ANXA8: variants seen among roughly 807,000 people sequenced by gnomAD.
ANXA8 encodes annexin A8.
In ANXA8, 9 loss-of-function variants were observed where a neutral mutation model predicts 26.8. The observed-to-expected ratio is 0.34, with a 90% CI of 0.20 to 0.59. The LOEUF (loss-of-function observed/expected upper bound fraction) is 0.59. Ranked by LOEUF, ANXA8 falls within the 20% of genes least tolerant of loss-of-function variation. The pLI is 0.84. For synonymous variants in ANXA8, 39 were observed against 94.8 expected, an observed-to-expected ratio of 0.41 and a Z score of 3.42; for missense variants, 83 against 238.5, an observed-to-expected ratio of 0.35 and a Z score of 4.29.
At chr10:47,681,390 T>G in the ANXA8 span, among the ~76,000 whole-genome samples, 2 of 150,788 alleles carry the variant, frequency 1.3e-5, no homozygotes, top group African/African-American at 4.9e-5. Context: ...CTTGATTGTG[T>G]TTGTTTTGTT....
At chr10:47,701,447 C>T in the ANXA8 span, among the ~76,000 whole-genome samples, 2 of 151,710 alleles carry the variant, frequency 1.3e-5, no homozygotes, top group African/African-American at 4.8e-5. Context: ...TTTATAATTG[C>T]AAAATATATA....
chr10:47,694,302 T>A, the ANXA8 span, among the ~76,000 whole-genome samples: 1 of 150,276 alleles, frequency 6.7e-6, no homozygotes, highest in Admixed American at 6.6e-5. Flanking sequence ...ATGGAAATGT[T>A]GGGAAAAAAA....
chr10:47,497,522 G>A, the ANXA8 span, among the ~76,000 whole-genome samples: 3 of 148,626 alleles, frequency 2.0e-5, no homozygotes, highest in Non-Finnish European at 4.5e-5. Flanking sequence ...AGGAGGCTGA[G>A]GCAGTAGAAT....
chr10:47,929,022 T>C, the ANXA8 span, among the ~76,000 whole-genome samples: 5 of 140,454 alleles, frequency 3.6e-5, no homozygotes, highest in African/African-American at 5.4e-5. Flanking sequence ...TTTGTAGAGA[T>C]GAGGTCTCTC....
the ANXA8 span, among the ~76,000 whole-genome samples, chr10:47,900,878 A>G: frequency 2.6e-5 from 4 of 151,172 alleles, no homozygotes; most frequent in African/African-American, 7.3e-5. Context: ...TAGTACCTTG[A>G]GAAAGAAAAT....
the ANXA8 span, among the ~76,000 whole-genome samples, chr10:47,683,330 G>A: frequency 6.5e-4 from 95 of 146,176 alleles, no homozygotes; most frequent in East Asian, 5.2e-3. Context: ...CCTGGTTCAC[G>A]CCATGCTCCT....
chr10:47,944,944 T>C, the ANXA8 span, among the ~76,000 whole-genome samples: 4 of 148,486 alleles, frequency 2.7e-5, no homozygotes, highest in Non-Finnish European at 4.4e-5. Flanking sequence ...ATGTGACTTC[T>C]TTCTTCCTTA....
the ANXA8 span, among the ~76,000 whole-genome samples, chr10:47,679,566 A>G: frequency 1.3e-5 from 2 of 151,974 alleles, no homozygotes; most frequent in Admixed American, 1.3e-4. Flanking sequence ...GGTAAGCCAT[A>G]ATTGTATTCC....
the ANXA8 span, among the ~76,000 whole-genome samples, chr10:47,535,078 G>A: frequency 3.5e-4 from 42 of 119,782 alleles, 4 homozygotes; most frequent in South Asian, 0.01. Flanking sequence ...AGGTTCCAGC[G>A]ATTCTCCGGA....
chr10:47,617,670 A>G, the ANXA8 span, among the ~76,000 whole-genome samples: 8 of 148,738 alleles, frequency 5.4e-5, no homozygotes, highest in South Asian at 8.4e-4. Context: ...CTTTTTGCCC[A>G]GCAAAAAACC....
At chr10:47,773,725 T>G in the ANXA8 span, among the ~76,000 whole-genome samples, 1 of 150,192 alleles carries the variant, frequency 6.7e-6, no homozygotes, top group South Asian at 2.1e-4. Flanking sequence ...GATTAAAAAC[T>G]GCCTATTGTG....
At chr10:47,708,750 A>G in the ANXA8 span, among the ~76,000 whole-genome samples, 8 of 152,050 alleles carry the variant, frequency 5.3e-5, no homozygotes, top group African/African-American at 1.9e-4. Context: ...TGACAGGAAT[A>G]TAAATTTATC....
chr10:47,639,324 T>TTTTTTGAGACGGAGTCTCGC, the ANXA8 span, among the ~76,000 whole-genome samples: 1 of 123,560 alleles, frequency 8.1e-6, no homozygotes, highest in Non-Finnish European at 1.7e-5. Context: ...ATTTTTTTTT[T>TTTTTTGAGACGGAGTCTCGC]TTTTTTGAGA....
the ANXA8 span, among the ~76,000 whole-genome samples, chr10:47,579,901 G>T: frequency 2.1e-5 from 3 of 145,900 alleles, no homozygotes; most frequent in East Asian, 5.9e-4. Flanking sequence ...AAAAAAAAGG[G>T]CTCCAAAATG....
At chr10:47,736,964 T>A in the ANXA8 span, among the ~76,000 whole-genome samples, 1 of 151,772 alleles carries the variant, frequency 6.6e-6, no homozygotes, top group Non-Finnish European at 1.5e-5. Flanking sequence ...CTTAATTGAA[T>A]TATTTTATTG....
the ANXA8 span, among the ~76,000 whole-genome samples, chr10:47,584,172 T>C: frequency 6.7e-6 from 1 of 149,388 alleles, no homozygotes; most frequent in Non-Finnish European, 1.5e-5. Context: ...GGAGACCCTG[T>C]CTCAAAGACA....
the ANXA8 span, among the ~76,000 whole-genome samples, chr10:47,954,338 A>T: frequency 6.6e-6 from 1 of 151,182 alleles, no homozygotes; most frequent in Admixed American, 6.6e-5. Context: ...GGAGCTAAAA[A>T]TTAAAAATAT....
chr10:47,769,967 C>T, the ANXA8 span, among the ~76,000 whole-genome samples: 1 of 151,504 alleles, frequency 6.6e-6, no homozygotes, highest in Non-Finnish European at 1.5e-5. Context: ...GAAGCTTCTA[C>T]TCATGGCAGA....
the ANXA8 span, among the ~76,000 whole-genome samples, chr10:47,501,671 T>C: frequency 7.1e-6 from 1 of 140,526 alleles, no homozygotes. Flanking sequence ...ATCATGCCAC[T>C]GCACTCCAGC....
Sources: gnomAD v4.1 joint callset for allele counts (sites outside exome capture counted in the v4.1 genomes callset) on GRCh38, gnomAD v4.1.1 for gene constraint, MANE v1.5 for transcripts, NCBI Gene and HGNC (gene_info 2026-07-23, HGNC 2026-07-21) for gene names.